The following MAML2 variants were observed in gnomAD, a reference collection of about 807,000 sequenced individuals.
MAML2 encodes mastermind-like protein 2.
Under a neutral mutation model 96.1 loss-of-function variants are expected in MAML2, and 22 were observed. That is an observed-to-expected ratio of 0.23 (90% confidence interval 0.16 to 0.33). The LOEUF is 0.33. MAML2 is among the 10% of genes least tolerant of loss of function. MAML2 has a pLI of 1.00. For missense variants in MAML2, 1,367 were observed against 1,392.4 expected (o/e 0.98, Z 0.29); for synonymous variants, 561 against 521.3 (o/e 1.08, Z -1.04).
intron 2 of MAML2, among the ~76,000 whole-genome samples, chr11:96,074,455 C>A (rs1323616289): frequency 2.6e-5 from 4 of 152,228 alleles, no homozygotes; most frequent in Non-Finnish European, 5.9e-5. Flanking sequence ...GATGTAATTT[C>A]TCTCCCAAAA....
intron 1 of MAML2, among the ~76,000 whole-genome samples, chr11:96,292,828 G>A (rs1467832141): frequency 6.6e-6 from 1 of 151,988 alleles, no homozygotes; most frequent in African/African-American, 2.4e-5. Flanking sequence ...GAGTTTATGA[G>A]AGTAGGATAT....
chr11:96,133,928 A>G (rs1860584436), intron 1 of MAML2, among the ~76,000 whole-genome samples: 1 of 152,204 alleles, frequency 6.6e-6, no homozygotes, highest in Non-Finnish European at 1.5e-5. Context: ...CAGGAGGCAG[A>G]GGTTGCAGTA....
At chr11:96,272,494 A>G (rs1254276527) in intron 1 of MAML2, among the ~76,000 whole-genome samples, 8 of 152,182 alleles carry the variant, frequency 5.3e-5, no homozygotes, top group Non-Finnish European at 1.5e-5. Flanking sequence ...AACAGGACAT[A>G]TTATGAGTGG....
At chr11:96,222,975 A>G (rs1862161269) in intron 1 of MAML2, among the ~76,000 whole-genome samples, 1 of 152,174 alleles carries the variant, frequency 6.6e-6, no homozygotes, top group Admixed American at 6.5e-5. Flanking sequence ...AAGATTTTAG[A>G]AGAAAACTTT....
intron 2 of MAML2, among the ~76,000 whole-genome samples, chr11:96,089,626 G>C (rs775962096): frequency 6.6e-6 from 1 of 152,112 alleles, no homozygotes; most frequent in Non-Finnish European, 1.5e-5. Flanking sequence ...TCCTAAATGT[G>C]AATGCTTTCC....
chr11:96,294,948 A>G (rs1443458463), intron 1 of MAML2, among the ~76,000 whole-genome samples: 3 of 152,170 alleles, frequency 2.0e-5, no homozygotes, highest in Non-Finnish European at 4.4e-5. Flanking sequence ...GAAGTAAGGT[A>G]TTTGAATACA....
At chr11:96,128,838 C>T (rs1051379963) in intron 1 of MAML2, among the ~76,000 whole-genome samples, 1 of 152,162 alleles carries the variant, frequency 6.6e-6, no homozygotes, top group African/African-American at 2.4e-5. Context: ...TCTGTCAACT[C>T]AAGGCAAACC....
At chr11:96,038,605 G>C (rs115184647) in intron 2 of MAML2, among the ~76,000 whole-genome samples, 1,538 of 152,324 alleles carry the variant, frequency 0.01, 30 homozygotes, top group African/African-American at 0.035. Context: ...TTACTGCATG[G>C]TATTTGTATT....
intron 2 of MAML2, among the ~76,000 whole-genome samples, chr11:96,010,780 G>C (rs907523052): frequency 6.6e-6 from 1 of 152,154 alleles, no homozygotes; most frequent in Non-Finnish European, 1.5e-5. Context: ...CCTGGGGATA[G>C]TAAGCATAAT....
At chr11:96,178,487 T>C (rs1456217934) in intron 1 of MAML2, among the ~76,000 whole-genome samples, 1 of 152,156 alleles carries the variant, frequency 6.6e-6, no homozygotes, top group Non-Finnish European at 1.5e-5. Flanking sequence ...GACCTTACTG[T>C]GCACTAGGTC....
chr11:96,027,760 C>G (rs925184588), intron 2 of MAML2, among the ~76,000 whole-genome samples: 2 of 152,156 alleles, frequency 1.3e-5, no homozygotes, highest in African/African-American at 4.8e-5. Flanking sequence ...GAGACAGTGT[C>G]TCATTCTGCC....
chr11:96,187,792 CA>C (rs5793787), intron 1 of MAML2, among the ~76,000 whole-genome samples: 176 of 128,550 alleles, frequency 1.4e-3, no homozygotes, highest in Non-Finnish European at 1.1e-3. Context: ...AACTCTGTCT[CA>C]AAAAAAAAAA....
At chr11:96,101,739 G>T (rs1044694710) in intron 1 of MAML2, among the ~76,000 whole-genome samples, 16 of 152,130 alleles carry the variant, frequency 1.1e-4, no homozygotes, top group African/African-American at 3.4e-4. Context: ...CCTTAGGCTG[G>T]TCTGACACTT....
intron 1 of MAML2, among the ~76,000 whole-genome samples, chr11:96,326,357 G>GC (rs1863778832): frequency 1.1e-5 from 1 of 91,720 alleles, no homozygotes; most frequent in Non-Finnish European, 2.0e-5. Flanking sequence ...TCACACTAAA[G>GC]CGTGTGTGTG....
chr11:96,115,793 C>A (rs556625575), intron 1 of MAML2, among the ~76,000 whole-genome samples: 2 of 152,150 alleles, frequency 1.3e-5, no homozygotes, highest in South Asian at 2.1e-4. Context: ...GGAGTAGATA[C>A]CTGAATCAGA....
intron 2 of MAML2, among the ~76,000 whole-genome samples, chr11:96,061,722 A>C (rs1006887897): frequency 3.9e-5 from 6 of 152,210 alleles, no homozygotes; most frequent in Non-Finnish European, 7.3e-5. Context: ...TTTTCAGATA[A>C]GAAATTTCCA....
At chr11:96,049,700 C>G (rs1858960632) in intron 2 of MAML2, among the ~76,000 whole-genome samples, 2 of 152,158 alleles carry the variant, frequency 1.3e-5, no homozygotes, top group African/African-American at 2.4e-5. Flanking sequence ...GCATTTTGCA[C>G]AGTCCCTGGT....
Position 95,978,892 on chromosome 11 carries a change from C to T in MAML2, c.*56G>A. ...CAACAGTTCAGCCTCTACAGAGTTT[C>T]TGTAATATACTGCCTTTTAGTGCTT... On this transcript the variant is annotated 3_prime_UTR_variant, in exon 5 of 5. Coordinates refer to ENST00000524717, the MANE Select transcript of MAML2 (RefSeq NM_032427.4). The T allele has an allele frequency of 1.4e-6, 2 of 1,466,182 alleles. No individual in the cohort carries two copies. The highest frequency in any genetic ancestry group is 2.8e-5 in the African/African-American group (2 of 71,158). 90.8% of individuals were successfully genotyped at this position (1,466,182 alleles called of 1,614,324 possible). A position where few individuals can be genotyped will look rare whatever the true frequency, so the allele number is the denominator to read the frequency against.
chr11:96,051,053 T>TCATG (rs1555001961), intron 2 of MAML2, among the ~76,000 whole-genome samples: 12 of 151,642 alleles, frequency 7.9e-5, no homozygotes, highest in Non-Finnish European at 1.8e-4. Context: ...GTTGGTTTAG[T>TCATG]GTCATTTCCT....
Sources: allele counts gnomAD v4.1 joint callset (sites outside exome capture counted in the v4.1 genomes callset), GRCh38; gene constraint gnomAD v4.1.1; transcripts MANE v1.5; gene names NCBI Gene and HGNC (gene_info 2026-07-23, HGNC 2026-07-21).